The following CRLF3 variants were observed in gnomAD, a reference collection of about 807,000 sequenced individuals.
The protein encoded by CRLF3 is cytokine receptor-like factor 3.
CRLF3 carries 33 observed loss-of-function variants against 55.0 expected under a neutral mutation model. That is an observed-to-expected ratio of 0.60 (90% CI 0.46 to 0.80). The LOEUF (loss-of-function observed/expected upper bound fraction) is 0.80, where lower values mean the gene tolerates loss of function less well. CRLF3 is among the 30% of genes least tolerant of loss of function. The pLI, the probability that CRLF3 is intolerant of heterozygous loss-of-function variation, is 0.00. For missense variants in CRLF3, 494 were observed against 538.4 expected (o/e 0.92, Z 0.82); for synonymous variants, 238 against 196.8 (o/e 1.21, Z -1.75).
chr17:30,808,361 C>T (rs1904492055), intron 1 of CRLF3, among the ~76,000 whole-genome samples: 1 of 140,330 alleles, frequency 7.1e-6, no homozygotes, highest in Non-Finnish European at 1.5e-5. Context: ...AATCTTGGCT[C>T]ACTGCAACCT....
chr17:30,818,238 C>A (rs1018942168), intron 1 of CRLF3, among the ~76,000 whole-genome samples: 9 of 151,596 alleles, frequency 5.9e-5, no homozygotes, highest in African/African-American at 2.2e-4. Flanking sequence ...CCAGCCTGGG[C>A]GACAAGAGCG....
Position 30,793,474 on chromosome 17 carries a change from C to T in CRLF3, c.802G>A (p.Gly268Ser). 6.2e-7 allele frequency: 1 copy of T among 1,614,054 alleles called. No individual in the cohort carries two copies. The highest frequency in any genetic ancestry group is 2.2e-5 in the East Asian group (1 of 44,874). The change falls in exon 5 of 8, where the codon GGT (glycine) becomes AGT (serine). Residue 268 changes from glycine to serine, a missense_variant. Gly to Ser is a moderately conservative substitution (Grantham distance 56, BLOSUM62 0). Transcript: ENST00000324238. Reference protein sequence around the residue: ...EWSPWSVPQIGHSTLVPHEWT... With the variant: ...EWSPWSVPQISHSTLVPHEWT... Reference sequence around the variant, plus strand: ...CCATGAGGCACCAATGTGGAATGACCTATCTGGGGGACACTCCAAGGACTC... The same window carrying T: ...CCATGAGGCACCAATGTGGAATGACTTATCTGGGGGACACTCCAAGGACTC...
Position 30,793,686 on chromosome 17 carries a change from CTT to C in CRLF3, c.604-16_604-15del, listed in dbSNP as rs769152781. On this transcript the variant is annotated splice_polypyrimidine_tract_variant and intron_variant, in intron 4 of 7. Coordinates refer to ENST00000324238, the MANE Select transcript of CRLF3 (RefSeq NM_015986.4). ...GTCATCATCCACCTAGGGAGAAAAGCTTTATGTTAGGTAAAAAACAGAAAATG... is the reference window on the plus strand; with the variant it reads ...GTCATCATCCACCTAGGGAGAAAAGCTATGTTAGGTAAAAAACAGAAAATG... The C allele has an allele frequency of 1.8e-5, 28 of 1,575,602 alleles. No individual in the cohort carries two copies. Among genetic ancestry groups the C allele is most frequent in the Non-Finnish European group, 2.4e-5 (28 of 1,152,018 alleles).
intron 2 of CRLF3, among the ~76,000 whole-genome samples, 197 bp from the exon 3 acceptor site, chr17:30,797,595 T>C (rs908889264): frequency 2.0e-5 from 3 of 152,164 alleles, no homozygotes; most frequent in African/African-American, 7.2e-5. Context: ...AAAAGGGATA[T>C]ACAGTGGCAA....
At chr17:30,803,035 C>T (rs770598793) in intron 2 of CRLF3, among the ~76,000 whole-genome samples, 2 of 151,552 alleles carry the variant, frequency 1.3e-5, no homozygotes, top group South Asian at 2.1e-4. Context: ...CATGGTGGGA[C>T]GCGCCTGTAA....
At chr17:30,792,344 A>G (rs1274806555) in intron 6 of CRLF3, 96 bp downstream of exon 6, 21 of 1,186,266 alleles carry the variant, frequency 1.8e-5, no homozygotes, top group Non-Finnish European at 2.5e-5. Context: ...TAAATGACGG[A>G]ATAAACTCAG....
At chr17:30,788,369 T>TA (rs79773550) in intron 6 of CRLF3, among the ~76,000 whole-genome samples, 18,388 of 148,720 alleles carry the variant, frequency 0.12, 1,226 homozygotes, top group South Asian at 0.25. Context: ...AAGGAAACCT[T>TA]AAAAAAAATC....
intron 2 of CRLF3, among the ~76,000 whole-genome samples, chr17:30,800,561 C>T (rs1333015919): frequency 6.6e-6 from 1 of 151,418 alleles, no homozygotes; most frequent in Non-Finnish European, 1.5e-5. Context: ...TAATCATCTA[C>T]AGATAACAGT....
At chr17:30,814,341 T>C (rs1056076425) in intron 1 of CRLF3, among the ~76,000 whole-genome samples, 9 of 152,152 alleles carry the variant, frequency 5.9e-5, no homozygotes, top group African/African-American at 2.2e-4. Flanking sequence ...TCATATTCTT[T>C]ACCAGATTTA....
chr17:30,792,429 T>C lies in CRLF3; in HGVS notation c.959+11A>G. 2 of 1,599,434 alleles carry C rather than the reference T, an allele frequency of 1.3e-6. No individual in the cohort carries two copies. The highest frequency in any genetic ancestry group is 1.7e-6 in the Non-Finnish European group (2 of 1,167,640). On this transcript the variant is annotated intron_variant, in intron 6 of 7. Coordinates refer to ENST00000324238, the MANE Select transcript of CRLF3 (RefSeq NM_015986.4). Reference sequence around the variant, plus strand: ...TCCTGAGGCAGGTGAGATGTTTTAATATCTACTTGCCTGAATGTTAATGTC... The same window carrying C: ...TCCTGAGGCAGGTGAGATGTTTTAACATCTACTTGCCTGAATGTTAATGTC...
intron 6 of CRLF3, among the ~76,000 whole-genome samples, chr17:30,788,596 C>CTTT (rs1429494338): frequency 2.6e-4 from 31 of 120,268 alleles, no homozygotes; most frequent in South Asian, 1.1e-3. Context: ...AAAGTAGTGC[C>CTTT]TTCTTTTTTT....
intron 1 of CRLF3, among the ~76,000 whole-genome samples, chr17:30,805,967 A>G (rs1247781065): frequency 6.6e-6 from 1 of 152,062 alleles, no homozygotes; most frequent in Non-Finnish European, 1.5e-5. Context: ...AGACTGCAGT[A>G]AGCTGTGACT....
chr17:30,784,427 A>G lies in CRLF3; in HGVS notation c.1089T>C (p.Asn363=), dbSNP rs1163925750. ...GTAACTGATTTGTCATTTCTTTTCC[A>G]TTGACAAAAACTGCACCTAAAATGT... ...CISTNGAVFV[N]GKEMTNQLPA... Residue 363 remains asparagine (N), a synonymous_variant, in exon 8 of 8, where the codon AAT becomes AAC. Transcript: ENST00000324238. The G allele has an allele frequency of 6.2e-7, 1 of 1,612,700 alleles. No homozygotes were observed. Among genetic ancestry groups the G allele is most frequent in the Non-Finnish European group, 8.5e-7 (1 of 1,178,768 alleles).
rs760193135 is a variant in CRLF3, at chr17:30,803,865, G to A, written c.337+36C>T. On this transcript the variant is annotated intron_variant, in intron 2 of 7. Coordinates refer to ENST00000324238, the MANE Select transcript of CRLF3 (RefSeq NM_015986.4). The stretch of plus-strand genomic sequence containing the variant: ...CTTTATCAGCAGTGTGAAAATGGAC[G>A]AATGCACTAATACAACAGGCTCCCT... 2.3e-5 allele frequency: 34 copies of A among 1,449,176 alleles called. No homozygotes were observed. In the East Asian group the frequency reaches 4.8e-4, roughly 20 times the overall value. 89.8% of individuals were successfully genotyped at this position (1,449,176 alleles called of 1,614,324 possible). A position where few individuals can be genotyped will look rare whatever the true frequency, so the allele number is the denominator to read the frequency against.
rs771236791 is a variant in CRLF3 at position 30,785,517 on chromosome 17, C to T, written c.1072+402G>A. 2.6e-4 allele frequency among the ~76,000 whole-genome samples: 39 copies of T among 152,092 alleles called. 1 individual carries two copies. Among genetic ancestry groups the T allele is most frequent in the South Asian group, 2.1e-4 (1 of 4,808 alleles). On this transcript the variant is annotated intron_variant, in intron 7 of 7. Transcript: ENST00000324238. ...ACTTTCAGCCAGCCACGGTGGCTCA[C>T]GCCTGTAATCCCAGCACTTTGGGAG...
intron 2 of CRLF3, chr17:30,801,058 G>C (rs1209739939): frequency 6.7e-6 from 1 of 150,234 alleles, no homozygotes; most frequent in Non-Finnish European, 1.5e-5. Flanking sequence ...ACAGGTGTGA[G>C]CCACTGTGCT....
chr17:30,805,207 C>T (rs1309340579), intron 1 of CRLF3, among the ~76,000 whole-genome samples: 2 of 151,804 alleles, frequency 1.3e-5, no homozygotes, highest in African/African-American at 4.8e-5. Flanking sequence ...ATAATAGTTA[C>T]TTCATGGAGT....
chr17:30,818,794 T>C (rs1354495970), intron 1 of CRLF3, among the ~76,000 whole-genome samples: 1 of 149,542 alleles, frequency 6.7e-6, no homozygotes, highest in Admixed American at 6.7e-5. Context: ...AGACTTCCTG[T>C]CTTGGTTTTT....
intron 6 of CRLF3, 72 bp from the exon 7 acceptor site, chr17:30,786,103 CT>C (rs1971641371): frequency 1.2e-6 from 1 of 834,968 alleles, no homozygotes; most frequent in Non-Finnish European, 2.0e-6. Flanking sequence ...CAGCCACTAG[CT>C]TAAAAAGAGC....
Sources: gnomAD v4.1 joint callset for allele counts (sites outside exome capture counted in the v4.1 genomes callset) on GRCh38, gnomAD v4.1.1 for gene constraint, MANE v1.5 for transcripts, NCBI Gene and HGNC (gene_info 2026-07-23, HGNC 2026-07-21) for gene names.